The following ADGRB3 variants were observed in gnomAD, a reference collection of about 807,000 sequenced individuals.
ADGRB3 encodes adhesion G protein-coupled receptor B3.
Under a neutral mutation model 193.4 loss-of-function variants are expected in ADGRB3, and 37 were observed. That is an observed-to-expected ratio of 0.19 (90% CI 0.15 to 0.25). The LOEUF (loss-of-function observed/expected upper bound fraction) is 0.25. Among genes scored for constraint, ADGRB3 ranks in the 10% least tolerant of loss-of-function variants. ADGRB3 has a pLI of 1.00. For synonymous variants in ADGRB3, 690 were observed against 644.2 expected (o/e 1.07, Z -1.08); for missense variants, 1,637 against 1,852.9 (o/e 0.88, Z 2.14).
At chr6:68,787,587 T>G (rs1390527812) in intron 3 of ADGRB3, among the ~76,000 whole-genome samples, 1 of 152,112 alleles carries the variant, frequency 6.6e-6, no homozygotes, top group African/African-American at 2.4e-5. Flanking sequence ...TGCATCGATG[T>G]TCATCAAGAA....
At chr6:69,325,347 AGGCCTAAT>A (rs1470158326) in intron 21 of ADGRB3, among the ~76,000 whole-genome samples, 2 of 152,200 alleles carry the variant, frequency 1.3e-5, no homozygotes, top group African/African-American at 4.8e-5. Flanking sequence ...AAAATTTTCA[AGGCCTAAT>A]GTGTGATGGT....
chr6:69,266,545 G>A (rs533864975), intron 20 of ADGRB3, among the ~76,000 whole-genome samples: 2 of 151,982 alleles, frequency 1.3e-5, no homozygotes, highest in East Asian at 1.9e-4. Context: ...TTTATTTAGG[G>A]TATTAATCTG....
intron 17 of ADGRB3, among the ~76,000 whole-genome samples, chr6:69,200,476 C>G (rs1316436266): frequency 2.0e-5 from 3 of 152,140 alleles, no homozygotes; most frequent in East Asian, 3.9e-4. Context: ...GAGCAAAGGC[C>G]TGAGAACATA....
intron 15 of ADGRB3, among the ~76,000 whole-genome samples, chr6:69,060,100 A>G (rs1167788347): frequency 6.6e-6 from 1 of 152,102 alleles, no homozygotes; most frequent in Non-Finnish European, 1.5e-5. Flanking sequence ...CATGAATGGT[A>G]TTAGCACACT....
chr6:68,679,625 G>A (rs1375364443), intron 3 of ADGRB3, among the ~76,000 whole-genome samples: 2 of 152,148 alleles, frequency 1.3e-5, no homozygotes, highest in African/African-American at 4.8e-5. Context: ...TTATCTGCCA[G>A]CATTAATGAA....
At chr6:69,261,387 C>T (rs1465242389) in intron 20 of ADGRB3, among the ~76,000 whole-genome samples, 1 of 151,996 alleles carries the variant, frequency 6.6e-6, no homozygotes, top group East Asian at 1.9e-4. Flanking sequence ...GAATGAAGAA[C>T]TATCAGATGT....
chr6:68,714,590 T>C (rs1327544405), intron 3 of ADGRB3, among the ~76,000 whole-genome samples: 2 of 151,766 alleles, frequency 1.3e-5, no homozygotes, highest in Non-Finnish European at 2.9e-5. Context: ...ATCTAAAAAG[T>C]ATATGTAATG....
At chr6:68,762,924 A>G (rs1479692756) in intron 3 of ADGRB3, among the ~76,000 whole-genome samples, 1 of 152,206 alleles carries the variant, frequency 6.6e-6, no homozygotes, top group Non-Finnish European at 1.5e-5. Context: ...ATTTAAAGTA[A>G]TTTATTAAAC....
intron 8 of ADGRB3, among the ~76,000 whole-genome samples, chr6:68,972,836 G>A (rs983578926): frequency 1.3e-5 from 2 of 152,184 alleles, no homozygotes; most frequent in Admixed American, 1.3e-4. Flanking sequence ...GTGGAGGAGT[G>A]TTGGAGAATG....
intron 3 of ADGRB3, among the ~76,000 whole-genome samples, chr6:68,908,647 G>A (rs772580926): frequency 3.9e-5 from 6 of 152,112 alleles, no homozygotes; most frequent in Non-Finnish European, 5.9e-5. Flanking sequence ...CCATTAAGAA[G>A]TTAAACTCTC....
chr6:69,266,906 T>C (rs1316723282), intron 20 of ADGRB3, among the ~76,000 whole-genome samples: 1 of 152,050 alleles, frequency 6.6e-6, no homozygotes, highest in African/African-American at 2.4e-5. Context: ...GCTACAAAGA[T>C]CAATAACAAG....
At chr6:68,727,466 T>A (rs1765694122) in intron 3 of ADGRB3, among the ~76,000 whole-genome samples, 1 of 151,750 alleles carries the variant, frequency 6.6e-6, no homozygotes, top group Non-Finnish European at 1.5e-5. Context: ...TTTTTCTTGG[T>A]TGATTGTTTC....
At chr6:69,246,822 G>T (rs540504082) in intron 20 of ADGRB3, among the ~76,000 whole-genome samples, 5 of 152,150 alleles carry the variant, frequency 3.3e-5, no homozygotes, top group African/African-American at 9.7e-5. Flanking sequence ...CTTCAAAGCC[G>T]ATCAAAACTC....
intron 3 of ADGRB3, among the ~76,000 whole-genome samples, chr6:68,901,556 C>T (rs1320809056): frequency 6.6e-6 from 1 of 152,148 alleles, no homozygotes; most frequent in African/African-American, 2.4e-5. Flanking sequence ...CCATCTTAGA[C>T]ACTGTTTATT....
intron 17 of ADGRB3, among the ~76,000 whole-genome samples, chr6:69,188,368 G>T (rs1168054124): frequency 6.6e-6 from 1 of 151,964 alleles, no homozygotes; most frequent in African/African-American, 2.4e-5. Flanking sequence ...GAGTGCAATG[G>T]TGCTATCTCG....
intron 3 of ADGRB3, among the ~76,000 whole-genome samples, chr6:68,884,032 C>T (rs907549218): frequency 1.3e-5 from 2 of 152,252 alleles, no homozygotes; most frequent in Middle Eastern, 3.4e-3. Flanking sequence ...AATGATTTGA[C>T]TAGAATTCAG....
intron 16 of ADGRB3, among the ~76,000 whole-genome samples, chr6:69,074,289 T>A (rs1388564471): frequency 6.6e-6 from 1 of 152,146 alleles, no homozygotes; most frequent in African/African-American, 2.4e-5. Context: ...ATTTCATACA[T>A]TTTAGAACAG....
intron 3 of ADGRB3, among the ~76,000 whole-genome samples, chr6:68,661,389 ATG>A (rs1554167010): frequency 4.4e-5 from 4 of 90,088 alleles, no homozygotes; most frequent in African/African-American, 2.7e-4. Flanking sequence ...ACATATATAT[ATG>A]TGTGTATACA....
chr6:69,257,172 G>T (rs1291831820), intron 20 of ADGRB3, among the ~76,000 whole-genome samples: 1 of 151,994 alleles, frequency 6.6e-6, no homozygotes, highest in East Asian at 1.9e-4. Flanking sequence ...CTCTTTTTTG[G>T]TTGTGTCTCT....
Sources: gnomAD v4.1 joint callset for allele counts (sites outside exome capture counted in the v4.1 genomes callset) on GRCh38, gnomAD v4.1.1 for gene constraint, MANE v1.5 for transcripts, NCBI Gene and HGNC (gene_info 2026-07-23, HGNC 2026-07-21) for gene names.